Variants in EXT1 observed in about 807,000 individuals in gnomAD.
EXT1 encodes exostosin-1.
A neutral mutation model predicts 82.5 loss-of-function variants in EXT1; 20 were observed. The observed-to-expected ratio is 0.24, with a 90% CI of 0.17 to 0.35. The LOEUF (loss-of-function observed/expected upper bound fraction) is 0.35. EXT1 is among the 10% of genes least tolerant of loss of function. The probability of loss-of-function intolerance (pLI) is 1.00; values close to 1 mark genes in which losing one functional copy is unlikely to be tolerated. For missense variants in EXT1, 757 were observed against 936.5 expected, an observed-to-expected ratio of 0.81 and a Z score of 2.50; for synonymous variants, 348 against 350.8, an observed-to-expected ratio of 0.99 and a Z score of 0.09.
chr8:118,104,237 C>A (rs1817770492), intron 1 of EXT1, among the ~76,000 whole-genome samples: 1 of 152,186 alleles, frequency 6.6e-6, no homozygotes, highest in Admixed American at 6.5e-5. Flanking sequence ...ATCTTCTAGT[C>A]TGGAGGGAAT....
intron 1 of EXT1, among the ~76,000 whole-genome samples, chr8:117,841,763 T>TA (rs1174775045): frequency 4.7e-5 from 7 of 149,858 alleles, no homozygotes; most frequent in African/African-American, 1.8e-4. Flanking sequence ...TCTATGGCCA[T>TA]AATCATTTTA....
At chr8:117,861,526 G>GACCATATCACTTCCCTTCCTTC (rs1221699841) in intron 1 of EXT1, among the ~76,000 whole-genome samples, 894 of 82,654 alleles carry the variant, frequency 0.011, 38 homozygotes, top group Middle Eastern at 0.032. Flanking sequence ...ATAGAGTCTT[G>GACCATATCACTTCCCTTCCTTC]CTCTGTCACC....
At chr8:118,088,910 A>G (rs1817475443) in intron 1 of EXT1, among the ~76,000 whole-genome samples, 1 of 152,248 alleles carries the variant, frequency 6.6e-6, no homozygotes, top group Non-Finnish European at 1.5e-5. Flanking sequence ...GAATATCCAT[A>G]CACCTTTAAC....
chr8:117,885,492 G>GAAAAAAAAAAA (rs1813131614), intron 1 of EXT1, among the ~76,000 whole-genome samples: 2 of 18,268 alleles, frequency 1.1e-4, no homozygotes, highest in Middle Eastern at 0.028. Flanking sequence ...GAAAGTAACA[G>GAAAAAAAAAAA]ACAAAAAAAA....
chr8:117,872,084 G>T (rs1464362423), intron 1 of EXT1, among the ~76,000 whole-genome samples: 2 of 147,238 alleles, frequency 1.4e-5, no homozygotes, highest in Non-Finnish European at 3.0e-5. Flanking sequence ...AGGCTGCAGT[G>T]AGCTATATCA....
chr8:118,034,119 T>C (rs937567121), intron 1 of EXT1, among the ~76,000 whole-genome samples: 1 of 152,208 alleles, frequency 6.6e-6, no homozygotes, highest in African/African-American at 2.4e-5. Flanking sequence ...GTATCCACAA[T>C]GTATTGGGTT....
chr8:117,948,320 C>CAAAAA (rs34394392), intron 1 of EXT1, among the ~76,000 whole-genome samples: 763 of 51,850 alleles, frequency 0.015, 35 homozygotes, highest in African/African-American at 0.042. Context: ...CTGCCCTTGC[C>CAAAAA]AAAAAAAAAA....
chr8:117,936,611 A>C (rs1814168984), intron 1 of EXT1, among the ~76,000 whole-genome samples: 1 of 152,220 alleles, frequency 6.6e-6, no homozygotes. Context: ...CCGGAGGCTC[A>C]CGCTTGTAAT....
intron 1 of EXT1, among the ~76,000 whole-genome samples, chr8:117,872,130 C>A (rs1563586633): frequency 6.7e-6 from 1 of 149,816 alleles, no homozygotes; most frequent in Non-Finnish European, 1.5e-5. Flanking sequence ...CAGAGTGAGA[C>A]CCTGTTTCAA....
intron 1 of EXT1, among the ~76,000 whole-genome samples, chr8:118,005,234 C>T (rs13267449): frequency 0.43 from 66,034 of 151,940 alleles, 14,484 homozygotes; most frequent in Admixed American, 0.49. Flanking sequence ...CCCAGACTTG[C>T]TTGCAGCTAG....
At chr8:118,082,425 A>G (rs562781264) in intron 1 of EXT1, among the ~76,000 whole-genome samples, 107 of 152,364 alleles carry the variant, frequency 7.0e-4, no homozygotes, top group African/African-American at 2.4e-3. Flanking sequence ...TCTTAAGATT[A>G]CGGCTGGAAA....
intron 1 of EXT1, among the ~76,000 whole-genome samples, chr8:118,024,731 G>A (rs1324608557): frequency 1.3e-5 from 2 of 152,186 alleles, no homozygotes; most frequent in African/African-American, 4.8e-5. Context: ...GGAATTAACA[G>A]AAGAACAGGA....
At chr8:117,848,987 G>A (rs911366728) in intron 1 of EXT1, among the ~76,000 whole-genome samples, 11 of 152,112 alleles carry the variant, frequency 7.2e-5, no homozygotes, top group Non-Finnish European at 1.5e-4. Context: ...ACTGGCCTCT[G>A]CCCACATCTC....
chr8:117,937,024 C>T (rs1282631077), intron 1 of EXT1, among the ~76,000 whole-genome samples: 1 of 152,206 alleles, frequency 6.6e-6, no homozygotes, highest in Non-Finnish European at 1.5e-5. Context: ...ATCACTGTAC[C>T]TATTATGACT....
intron 1 of EXT1, among the ~76,000 whole-genome samples, chr8:118,013,019 C>A (rs915087722): frequency 2.0e-5 from 3 of 152,030 alleles, no homozygotes; most frequent in Non-Finnish European, 2.9e-5. Flanking sequence ...AGGTGAACTA[C>A]TTCTATGTGT....
chr8:118,065,384 G>A (rs1405449256), intron 1 of EXT1, among the ~76,000 whole-genome samples: 8 of 152,122 alleles, frequency 5.3e-5, no homozygotes, highest in Admixed American at 5.2e-4. Flanking sequence ...ACTCTGAAGT[G>A]GATACAAGGA....
intron 1 of EXT1, among the ~76,000 whole-genome samples, chr8:117,860,268 C>T (rs945103016): frequency 6.6e-6 from 1 of 151,732 alleles, no homozygotes; most frequent in African/African-American, 2.4e-5. Flanking sequence ...CCAAAAACTG[C>T]ATGTTCTCAC....
rs28357311 is a variant in EXT1 at position 118,062,128 on chromosome 8, C to A, written c.962+47957G>T. ...TAAAAATTAACTGAAGAAACGTGGA[C>A]ACGTGTTCCATGACTTCCAGCTTTC... On this transcript the variant is annotated intron_variant, in intron 1 of 10. Transcript: ENST00000378204. 1.8e-3 allele frequency among the ~76,000 whole-genome samples: 276 copies of A among 152,238 alleles called. 5 individuals are homozygous for A. In the East Asian group the frequency reaches 0.052, roughly 29 times the overall value.
intron 1 of EXT1, among the ~76,000 whole-genome samples, chr8:117,917,798 C>T (rs1051374531): frequency 2.0e-5 from 3 of 152,136 alleles, no homozygotes; most frequent in Non-Finnish European, 2.9e-5. Flanking sequence ...TGGTGGGTGG[C>T]GCTGTTAGTC....
Sources: gnomAD v4.1 joint callset for allele counts (sites outside exome capture counted in the v4.1 genomes callset) on GRCh38, gnomAD v4.1.1 for gene constraint, MANE v1.5 for transcripts, NCBI Gene and HGNC (gene_info 2026-07-23, HGNC 2026-07-21) for gene names.